Variants in MTCL3 observed in about 807,000 individuals in gnomAD.
MTCL3 encodes the protein MTCL family member 3, also known as microtubule cross-linking factor 3.
the MTCL3 span, chr6:127,476,148 G>T: frequency 2.5e-6 from 4 of 1,614,184 alleles, no homozygotes; most frequent in Middle Eastern, 4.9e-4. The surrounding 1 kb of genome is among the most constrained non-coding windows in gnomAD (Gnocchi z 4.4). Context: ...AGCCGTTGAA[G>T]TCATCGCCCC....
the MTCL3 span, chr6:127,512,940 A>C: frequency 6.2e-7 from 1 of 1,612,392 alleles, no homozygotes; most frequent in South Asian, 1.1e-5. Context: ...TGCAATTTCA[A>C]CTTCTATGAG....
the MTCL3 span, chr6:127,516,379 T>C: frequency 2.5e-6 from 4 of 1,600,774 alleles, no homozygotes; most frequent in South Asian, 4.4e-5. Flanking sequence ...ACCCTGCTGT[T>C]GCTGCTGCTG....
At chr6:127,508,264 CA>C in the MTCL3 span, among the ~76,000 whole-genome samples, 1 of 152,100 alleles carries the variant, frequency 6.6e-6, no homozygotes, top group Admixed American at 6.5e-5. Flanking sequence ...TAGCTATGAT[CA>C]GTTCTTTATT....
the MTCL3 span, among the ~76,000 whole-genome samples, chr6:127,509,983 G>C: frequency 6.6e-6 from 1 of 152,098 alleles, no homozygotes; most frequent in Non-Finnish European, 1.5e-5. Context: ...GATAATTATA[G>C]AGAACTCCTA....
the MTCL3 span, among the ~76,000 whole-genome samples, chr6:127,507,856 A>AG: frequency 6.8e-6 from 1 of 146,970 alleles, no homozygotes; most frequent in Admixed American, 7.4e-5. Flanking sequence ...AAAAAAAAAA[A>AG]AAAAAAAAAA....
At chr6:127,515,496 TC>T in the MTCL3 span, 4 of 1,406,744 alleles carry the variant, frequency 2.8e-6, no homozygotes, top group Middle Eastern at 1.9e-4. This position sits in a 1 kb window ranked among gnomAD's most constrained non-coding sequence, Gnocchi z 4.3. Context: ...CCCAGCCGGG[TC>T]CCCCCACCCT....
the MTCL3 span, among the ~76,000 whole-genome samples, chr6:127,476,778 GTGTTTCTTT>G: frequency 7.5e-4 from 115 of 152,350 alleles, no homozygotes; most frequent in African/African-American, 2.6e-3. The surrounding 1 kb of genome is among the most constrained non-coding windows in gnomAD (Gnocchi z 4.4). Context: ...CATTTCAGCA[GTGTTTCTTT>G]TGTTTCATTA....
At chr6:127,483,085 TAA>T in the MTCL3 span, 2 of 888,810 alleles carry the variant, frequency 2.3e-6, no homozygotes, top group Non-Finnish European at 1.7e-6. Flanking sequence ...CCAAGACAAA[TAA>T]AAAGAGTTAG....
chr6:127,496,877 CT>C, the MTCL3 span, among the ~76,000 whole-genome samples: 1 of 152,108 alleles, frequency 6.6e-6, no homozygotes, highest in African/African-American at 2.4e-5. Flanking sequence ...CACAGATGAA[CT>C]TGAAAAACAC....
At chr6:127,508,477 T>C in the MTCL3 span, among the ~76,000 whole-genome samples, 1 of 152,156 alleles carries the variant, frequency 6.6e-6, no homozygotes, top group Non-Finnish European at 1.5e-5. Flanking sequence ...ATAGATAAGA[T>C]CTATTATACC....
At chr6:127,487,871 G>A in the MTCL3 span, among the ~76,000 whole-genome samples, 1 of 152,096 alleles carries the variant, frequency 6.6e-6, no homozygotes, top group Non-Finnish European at 1.5e-5. Context: ...ATTTATTCTG[G>A]TAATGTTTTA....
the MTCL3 span, chr6:127,482,942 C>T: frequency 6.2e-7 from 1 of 1,607,272 alleles, no homozygotes; most frequent in Non-Finnish European, 8.5e-7. This position sits in a 1 kb window ranked among gnomAD's most constrained non-coding sequence, Gnocchi z 4.1. Context: ...GCCTTTTTTT[C>T]AGATTTTGGC....
chr6:127,516,521 T>C, the MTCL3 span: 3 of 1,598,922 alleles, frequency 1.9e-6, no homozygotes, highest in Non-Finnish European at 2.5e-6. Flanking sequence ...TTTCTGCTGC[T>C]GCCCTCCGGG....
At chr6:127,500,244 G>A in the MTCL3 span, among the ~76,000 whole-genome samples, 1 of 152,124 alleles carries the variant, frequency 6.6e-6, no homozygotes, top group Non-Finnish European at 1.5e-5. Flanking sequence ...AAGTCAGACT[G>A]ATCTCATACT....
At chr6:127,496,717 C>T in the MTCL3 span, among the ~76,000 whole-genome samples, 2 of 151,992 alleles carry the variant, frequency 1.3e-5, no homozygotes, top group African/African-American at 4.8e-5. Context: ...GATATTTGCC[C>T]AATGGAATAT....
chr6:127,496,065 A>T, the MTCL3 span, among the ~76,000 whole-genome samples: 1 of 152,176 alleles, frequency 6.6e-6, no homozygotes, highest in Non-Finnish European at 1.5e-5. Flanking sequence ...CCCCATCTCT[A>T]CTAAAATACA....
At chr6:127,476,981 C>T in the MTCL3 span, among the ~76,000 whole-genome samples, 14 of 152,256 alleles carry the variant, frequency 9.2e-5, no homozygotes, top group East Asian at 2.3e-3. This position sits in a 1 kb window ranked among gnomAD's most constrained non-coding sequence, Gnocchi z 4.4. Flanking sequence ...GTTCAGTAAC[C>T]GTTCGAAGGT....
chr6:127,474,503 C>A, the MTCL3 span, among the ~76,000 whole-genome samples: 5 of 152,136 alleles, frequency 3.3e-5, no homozygotes, highest in Non-Finnish European at 5.9e-5. Flanking sequence ...ATCTCGAACT[C>A]CTGACCTCCT....
At chr6:127,486,189 T>A in the MTCL3 span, among the ~76,000 whole-genome samples, 6 of 152,202 alleles carry the variant, frequency 3.9e-5, no homozygotes, top group Non-Finnish European at 8.8e-5. Context: ...CATTTTCTAT[T>A]TTGCTTTTAT....
Sources: gnomAD v4.1 joint callset for allele counts (sites outside exome capture counted in the v4.1 genomes callset) on GRCh38, gnomAD v4.1.1 for gene constraint, Gnocchi (gnomAD v3.1) non-coding constraint, MANE v1.5 for transcripts, NCBI Gene and HGNC (gene_info 2026-07-23, HGNC 2026-07-21) for gene names.